Variants in CCDC102B observed in about 807,000 individuals in gnomAD.
The protein encoded by CCDC102B is coiled-coil domain-containing protein 102B.
A neutral mutation model predicts 57.4 loss-of-function variants in CCDC102B; 75 were observed. The observed-to-expected ratio is 1.31, with a 90% CI of 1.08 to 1.58. The LOEUF (loss-of-function observed/expected upper bound fraction) is 1.58. Ranked by LOEUF, CCDC102B falls within the 40% of genes most tolerant of loss-of-function variation. CCDC102B has a pLI of 0.00. For synonymous variants in CCDC102B, 206 were observed against 201.9 expected, an observed-to-expected ratio of 1.02 and a Z score of -0.17; for missense variants, 636 against 582.6, an observed-to-expected ratio of 1.09 and a Z score of -0.94.
intron 1 of CCDC102B, among the ~76,000 whole-genome samples, chr18:68,805,879 A>T (rs1456017125): frequency 6.6e-6 from 1 of 152,196 alleles, no homozygotes; most frequent in Non-Finnish European, 1.5e-5. Flanking sequence ...TTCATTATAT[A>T]AATGTTAATA....
At chr18:68,866,767 C>A in intron 4 of CCDC102B, 1 of 658,502 alleles carries the variant, frequency 1.5e-6, no homozygotes, top group South Asian at 1.4e-5. Flanking sequence ...ACGGGTCTGT[C>A]TTTTTGGTAT....
intron 2 of CCDC102B, among the ~76,000 whole-genome samples, chr18:68,769,133 A>G (rs2034556525): frequency 6.6e-6 from 1 of 151,966 alleles, no homozygotes; most frequent in African/African-American, 2.4e-5. Context: ...CATGCCTGTA[A>G]TCCTAGCTAC....
At chr18:68,720,151 A>C (rs372659593) in intron 2 of CCDC102B, among the ~76,000 whole-genome samples, 4 of 152,238 alleles carry the variant, frequency 2.6e-5, no homozygotes, top group Admixed American at 6.5e-5. Context: ...TAAATTAGGA[A>C]TAGGAAGGCA....
At chr18:68,984,249 T>C (rs1265017562) in intron 6 of CCDC102B, among the ~76,000 whole-genome samples, 1 of 152,052 alleles carries the variant, frequency 6.6e-6, no homozygotes, top group Non-Finnish European at 1.5e-5. Context: ...ATACACTGTC[T>C]TCTCATAGCC....
chr18:68,900,177 C>A (rs2040393280), intron 6 of CCDC102B: 1 of 152,090 alleles, frequency 6.6e-6, no homozygotes. Context: ...GCATAATTGA[C>A]AAAACAACAC....
At chr18:68,888,336 G>T (rs969593531) in intron 5 of CCDC102B, among the ~76,000 whole-genome samples, 1 of 152,040 alleles carries the variant, frequency 6.6e-6, no homozygotes, top group Non-Finnish European at 1.5e-5. Context: ...CCATAAATTG[G>T]TGTTTTAAAC....
At chr18:68,742,223 A>AT (rs934789940) in intron 2 of CCDC102B, among the ~76,000 whole-genome samples, 1 of 151,876 alleles carries the variant, frequency 6.6e-6, no homozygotes, top group Non-Finnish European at 1.5e-5. Flanking sequence ...CAGTTCTTAG[A>AT]TTTTCTTGGC....
At chr18:68,971,993 A>G (rs1167626161) in intron 6 of CCDC102B, among the ~76,000 whole-genome samples, 1 of 152,078 alleles carries the variant, frequency 6.6e-6, no homozygotes, top group East Asian at 1.9e-4. Context: ...CACCTGGTAA[A>G]TTAATGCCTA....
intron 2 of CCDC102B, among the ~76,000 whole-genome samples, chr18:68,724,286 A>G (rs1348391579): frequency 5.3e-5 from 8 of 152,204 alleles, no homozygotes; most frequent in Non-Finnish European, 1.2e-4. Context: ...GGTTTCTGAC[A>G]TGCCCCGAAG....
chr18:68,897,761 C>G, intron 6 of CCDC102B: 1 of 614,750 alleles, frequency 1.6e-6, no homozygotes, highest in Non-Finnish European at 2.4e-6. Flanking sequence ...GATCTTATTT[C>G]CAATAAAGAT....
At chr18:68,795,457 T>C (rs1256871632), upstream of CCDC102B, among the ~76,000 whole-genome samples, 1 of 152,268 alleles carries the variant, frequency 6.6e-6, no homozygotes, top group South Asian at 2.1e-4. Context: ...CTCATAGTTC[T>C]GAAGGACAGA....
intron 1 of CCDC102B, among the ~76,000 whole-genome samples, chr18:68,801,009 G>C (rs940665024): frequency 2.0e-5 from 3 of 151,382 alleles, no homozygotes; most frequent in African/African-American, 7.3e-5. Context: ...ATAACAACGA[G>C]GTTTTTTTGT....
chr18:68,997,333 G>T (rs1207922876), intron 6 of CCDC102B, among the ~76,000 whole-genome samples: 3 of 152,106 alleles, frequency 2.0e-5, no homozygotes, highest in Admixed American at 6.5e-5. Context: ...GTTTGGCAGA[G>T]AATTGACAAG....
chr18:69,017,852 A>G (rs1335657948), intron 7 of CCDC102B, among the ~76,000 whole-genome samples: 1 of 152,152 alleles, frequency 6.6e-6, no homozygotes, highest in East Asian at 1.9e-4. Context: ...TATAAATTTG[A>G]CATTTTCAGA....
At chr18:68,787,296 G>A (rs886284365) in intron 2 of CCDC102B, among the ~76,000 whole-genome samples, 1 of 151,344 alleles carries the variant, frequency 6.6e-6, no homozygotes, top group African/African-American at 2.4e-5. Context: ...TCTCTTTTTT[G>A]GTTGTGTCTC....
At chr18:69,041,264 G>A (rs1443391906) in intron 7 of CCDC102B, among the ~76,000 whole-genome samples, 1 of 152,068 alleles carries the variant, frequency 6.6e-6, no homozygotes, top group Non-Finnish European at 1.5e-5. Flanking sequence ...AGCTTACTCA[G>A]ATGTCCTGTT....
chr18:68,759,421 C>A (rs1373792388), intron 2 of CCDC102B, among the ~76,000 whole-genome samples: 1 of 151,932 alleles, frequency 6.6e-6, no homozygotes, highest in African/African-American at 2.4e-5. Context: ...TTTTAGTTTA[C>A]CTGCATTAAC....
At position 68,783,948 on chromosome 18, in the gene CCDC102B, A is replaced by G. The variant is rs564753; in HGVS notation, c.-66-39418A>G. Among the ~76,000 whole-genome samples, 541 of 152,238 alleles carry G rather than the reference A, an allele frequency of 3.6e-3. 2 individuals carry two copies. Among genetic ancestry groups the G allele is most frequent in the African/African-American group, 0.012 (512 of 41,536 alleles). ...TACTCAAGACTAAACTCCATGTTTTACTCTTTCTCAAAAGGAAATTGTATA... is the reference window on the plus strand; with the variant it reads ...TACTCAAGACTAAACTCCATGTTTTGCTCTTTCTCAAAAGGAAATTGTATA... On this transcript the variant is annotated intron_variant, in intron 2 of 3. Coordinates refer to the CCDC102B transcript ENST00000578970.
chr18:68,883,922 A>T (rs2039783326), intron 5 of CCDC102B, among the ~76,000 whole-genome samples: 1 of 152,210 alleles, frequency 6.6e-6, no homozygotes. Context: ...ATTCTTAAAT[A>T]TAAATTAACA....
Sources: allele counts gnomAD v4.1 joint callset (sites outside exome capture counted in the v4.1 genomes callset), GRCh38; gene constraint gnomAD v4.1.1; transcripts MANE v1.5; gene names NCBI Gene and HGNC (gene_info 2026-07-23, HGNC 2026-07-21).